The following MPP7 variants were observed in gnomAD, a reference collection of about 807,000 sequenced individuals.
The protein encoded by MPP7 is MAGUK p55 subfamily member 7.
Under a neutral mutation model 76.5 loss-of-function variants are expected in MPP7, and 60 were observed. That is an observed-to-expected ratio of 0.78 (90% CI 0.64 to 0.97). The LOEUF is 0.97. Among genes scored for constraint, MPP7 ranks in the 50% least tolerant of loss-of-function variants. The pLI is 0.00. For missense variants in MPP7, 641 were observed against 694.0 expected, an observed-to-expected ratio of 0.92 and a Z score of 0.86; for synonymous variants, 237 against 244.5, an observed-to-expected ratio of 0.97 and a Z score of 0.29.
At chr10:28,183,695 G>A (rs1229410567) in intron 3 of MPP7, among the ~76,000 whole-genome samples, 4 of 152,130 alleles carry the variant, frequency 2.6e-5, no homozygotes, top group African/African-American at 9.7e-5. Flanking sequence ...GCTGAGAAGG[G>A]AGGATCATTG....
chr10:28,092,598 G>A (rs1253607796), intron 11 of MPP7, among the ~76,000 whole-genome samples: 1 of 71,446 alleles, frequency 1.4e-5, no homozygotes, highest in Admixed American at 1.9e-4. Context: ...TTTGAGACAG[G>A]GACTGGCTCT....
chr10:28,237,608 A>G (rs1466946999), intron 2 of MPP7, among the ~76,000 whole-genome samples: 1 of 152,194 alleles, frequency 6.6e-6, no homozygotes, highest in Non-Finnish European at 1.5e-5. Context: ...ATAAAACTGA[A>G]TTTCTGTTTC....
intron 1 of MPP7, among the ~76,000 whole-genome samples, chr10:28,287,792 A>G (rs1033369324): frequency 6.6e-6 from 1 of 152,254 alleles, no homozygotes; most frequent in Admixed American, 6.5e-5. Flanking sequence ...TCCATGAATC[A>G]GTATTTCCCA....
intron 3 of MPP7, among the ~76,000 whole-genome samples, chr10:28,177,407 C>CA (rs374281842): frequency 3.1e-3 from 388 of 126,654 alleles, no homozygotes; most frequent in Middle Eastern, 8.3e-3. Context: ...GACTCCATTT[C>CA]AAAAAAAAAA....
chr10:28,129,246 T>C (rs1198636395), intron 6 of MPP7, among the ~76,000 whole-genome samples: 2 of 152,204 alleles, frequency 1.3e-5, no homozygotes, highest in East Asian at 1.9e-4. Flanking sequence ...TCCTATAGCA[T>C]AGTCTGCCAA....
At chr10:28,059,504 C>A in intron 14 of MPP7, 146 bp downstream of exon 14, 1 of 552,482 alleles carries the variant, frequency 1.8e-6, no homozygotes, top group Non-Finnish European at 3.1e-6. Flanking sequence ...TAATTACCAA[C>A]CAAATTATTA....
At chr10:28,262,970 C>T (rs749142765) in intron 1 of MPP7, among the ~76,000 whole-genome samples, 3 of 152,146 alleles carry the variant, frequency 2.0e-5, no homozygotes, top group Admixed American at 1.3e-4. Flanking sequence ...GCACGAGAAT[C>T]GCTTGAACCC....
intron 9 of MPP7, 31 bp downstream of exon 9, chr10:28,120,563 G>A (rs746748519): frequency 5.4e-5 from 86 of 1,589,918 alleles, no homozygotes; most frequent in Non-Finnish European, 6.3e-5. Flanking sequence ...TCCCTCCCAC[G>A]CACGAAGAAA....
At chr10:28,237,447 C>G (rs1839114656) in intron 2 of MPP7, among the ~76,000 whole-genome samples, 1 of 151,824 alleles carries the variant, frequency 6.6e-6, no homozygotes, top group East Asian at 1.9e-4. Context: ...AACGAATCCT[C>G]AATGTAAATC....
At chr10:28,248,818 G>A (rs1452342686) in intron 1 of MPP7, among the ~76,000 whole-genome samples, 1 of 152,190 alleles carries the variant, frequency 6.6e-6, no homozygotes, top group East Asian at 1.9e-4. Context: ...AGAAGCAACA[G>A]GCTGCACCAT....
At chr10:28,177,189 G>C (rs958433203) in intron 3 of MPP7, among the ~76,000 whole-genome samples, 3 of 148,648 alleles carry the variant, frequency 2.0e-5, no homozygotes, top group African/African-American at 7.4e-5. Context: ...AGGCCAAGCA[G>C]GCAGATCATG....
intron 11 of MPP7, among the ~76,000 whole-genome samples, chr10:28,113,063 C>A (rs192026452): frequency 1.2e-4 from 19 of 152,026 alleles, no homozygotes; most frequent in African/African-American, 4.6e-4. Context: ...ACGGATACAG[C>A]CTATTTGACT....
intron 12 of MPP7, among the ~76,000 whole-genome samples, chr10:28,089,169 T>C (rs375915204): frequency 8.7e-4 from 133 of 152,254 alleles, no homozygotes; most frequent in African/African-American, 2.9e-3. Flanking sequence ...CACCCTGGCC[T>C]CCCAAAGTGC....
At chr10:28,096,162 A>T (rs1355743754) in intron 11 of MPP7, among the ~76,000 whole-genome samples, 1 of 152,228 alleles carries the variant, frequency 6.6e-6, no homozygotes, top group African/African-American at 2.4e-5. Flanking sequence ...AGACTGCAAT[A>T]AACATCCCTT....
chr10:28,157,988 A>G (rs1238611705), intron 3 of MPP7, among the ~76,000 whole-genome samples: 1 of 118,146 alleles, frequency 8.5e-6, no homozygotes, highest in African/African-American at 4.6e-5. Context: ...CAATGTCCCT[A>G]GAGTTCACCA....
chr10:28,273,283 T>C (rs1840386308), intron 1 of MPP7, among the ~76,000 whole-genome samples: 1 of 152,220 alleles, frequency 6.6e-6, no homozygotes, highest in South Asian at 2.1e-4. Flanking sequence ...CAATCTGGAA[T>C]CATCTAAAAG....
chr10:28,071,059 G>A (rs952686797), intron 12 of MPP7, among the ~76,000 whole-genome samples: 1 of 152,126 alleles, frequency 6.6e-6, no homozygotes, highest in African/African-American at 2.4e-5. Context: ...CAAAGCCAGG[G>A]GCGTAATTAG....
chr10:28,188,650 T>C (rs1206572876), intron 3 of MPP7, among the ~76,000 whole-genome samples: 1 of 152,200 alleles, frequency 6.6e-6, no homozygotes, highest in African/African-American at 2.4e-5. Flanking sequence ...TTGTAAAGTT[T>C]TCAAGTTCAG....
intron 5 of MPP7, among the ~76,000 whole-genome samples, chr10:28,141,994 C>A (rs1835535966): frequency 6.6e-6 from 1 of 151,690 alleles, no homozygotes; most frequent in East Asian, 1.9e-4. Context: ...AAACTAGAAC[C>A]ACATCTTATA....
Sources: gnomAD v4.1 joint callset for allele counts (sites outside exome capture counted in the v4.1 genomes callset) on GRCh38, gnomAD v4.1.1 for gene constraint, MANE v1.5 for transcripts, NCBI Gene and HGNC (gene_info 2026-07-23, HGNC 2026-07-21) for gene names.